RFX4: variants seen among roughly 807,000 people sequenced by gnomAD.
RFX4 encodes regulatory factor X4.
RFX4 carries 10 observed loss-of-function variants against 95.0 expected under a neutral mutation model. The observed-to-expected ratio is 0.11, with a 90% CI of 0.06 to 0.18. RFX4 has a LOEUF of 0.18. Ranked by LOEUF, RFX4 falls within the 10% of genes least tolerant of loss-of-function variation. The pLI is 1.00. For missense variants in RFX4, 640 were observed against 922.0 expected, an observed-to-expected ratio of 0.69 and a Z score of 3.96; for synonymous variants, 321 against 340.7, an observed-to-expected ratio of 0.94 and a Z score of 0.64.
chr12:106,665,160 G>A (rs563066145), intron 4 of RFX4, among the ~76,000 whole-genome samples: 1 of 151,872 alleles, frequency 6.6e-6, no homozygotes, highest in East Asian at 1.9e-4. Context: ...TATATAGTTT[G>A]ATGCTGTCTT....
At chr12:106,671,198 T>C (rs1301299807) in intron 4 of RFX4, among the ~76,000 whole-genome samples, 1 of 152,226 alleles carries the variant, frequency 6.6e-6, no homozygotes, top group Non-Finnish European at 1.5e-5. Context: ...ACTGATTCCA[T>C]TGCATTAGAA....
chr12:106,757,292 G>C (rs944381602), intron 17 of RFX4, among the ~76,000 whole-genome samples: 1 of 152,190 alleles, frequency 6.6e-6, no homozygotes, highest in Admixed American at 6.5e-5. Flanking sequence ...CAACACTTGG[G>C]GAGGCTGGAA....
At chr12:106,640,094 A>T (rs1190301815) in intron 3 of RFX4, among the ~76,000 whole-genome samples, 1 of 152,138 alleles carries the variant, frequency 6.6e-6, no homozygotes, top group Non-Finnish European at 1.5e-5. Flanking sequence ...AGGAACTAAA[A>T]TCCATTATAT....
intron 3 of RFX4, among the ~76,000 whole-genome samples, chr12:106,650,952 AG>A (rs1293639157): frequency 1.3e-5 from 2 of 151,918 alleles, no homozygotes; most frequent in African/African-American, 2.4e-5. Flanking sequence ...GACTCCTTTG[AG>A]TCTTTGTTTC....
At chr12:106,694,869 T>C (rs570832766) in intron 7 of RFX4, among the ~76,000 whole-genome samples, 51 of 152,154 alleles carry the variant, frequency 3.4e-4, no homozygotes, top group Middle Eastern at 3.4e-3. Context: ...ACCCCGTCTC[T>C]ACTTAAAAAA....
At chr12:106,727,926 C>A (rs2042536078) in intron 13 of RFX4, among the ~76,000 whole-genome samples, 1 of 152,018 alleles carries the variant, frequency 6.6e-6, no homozygotes, top group Non-Finnish European at 1.5e-5. Context: ...GCCCTGAATT[C>A]AGTTTTTATA....
intron 3 of RFX4, among the ~76,000 whole-genome samples, chr12:106,643,077 C>T (rs536826202): frequency 1.3e-5 from 2 of 152,188 alleles, no homozygotes; most frequent in African/African-American, 2.4e-5. Flanking sequence ...ATCAAAGCAA[C>T]GGATCCAGAC....
chr12:106,692,501 G>T (rs889507032), intron 7 of RFX4, among the ~76,000 whole-genome samples: 5 of 152,144 alleles, frequency 3.3e-5, no homozygotes, highest in Non-Finnish European at 5.9e-5. Context: ...AGTCATCACA[G>T]GTGTTTCCAC....
At chr12:106,639,184 C>T in intron 2 of RFX4, 148 bp from the exon 3 acceptor site, 1 of 623,390 alleles carries the variant, frequency 1.6e-6, no homozygotes, top group Non-Finnish European at 2.8e-6. Context: ...TATGATGAGT[C>T]TAACATGTTG....
chr12:106,651,395 A>G (rs1261667063), intron 3 of RFX4, among the ~76,000 whole-genome samples: 1 of 152,164 alleles, frequency 6.6e-6, no homozygotes, highest in East Asian at 1.9e-4. Flanking sequence ...TGTGAGGTCA[A>G]ATGAGACCAT....
chr12:106,617,431 C>T (rs2040095395), intron 2 of RFX4, among the ~76,000 whole-genome samples: 1 of 152,164 alleles, frequency 6.6e-6, no homozygotes, highest in Non-Finnish European at 1.5e-5. Context: ...TGATATCACA[C>T]TTTCATTATT....
At chr12:106,761,076 C>A in intron 17 of RFX4, 121 bp from the exon 18 acceptor site, 1 of 1,066,804 alleles carries the variant, frequency 9.4e-7, no homozygotes, top group Non-Finnish European at 1.4e-6. Flanking sequence ...TGATTCTTCT[C>A]CATCAACTCT....
rs551369300 is a variant in RFX4, at chr12:106,737,862, C to T, written c.1633+4777C>T. On this transcript the variant is annotated intron_variant, in intron 15 of 17. Coordinates refer to ENST00000392842, the MANE Select transcript of RFX4 (RefSeq NM_213594.3). ...ATCGCCGTATTTGTTTATATAGATG[C>T]GCCTCAAACTGTATTTTGTTTTCTG... Among the ~76,000 whole-genome samples the T allele has an allele frequency of 9.2e-5, 14 of 152,264 alleles. No homozygotes were observed. The East Asian group carries it at 2.3e-3, about 25-fold the overall frequency.
At position 106,761,306 on chromosome 12, in the gene RFX4, A is replaced by G; in HGVS notation, c.2045A>G (p.Asn682Ser). The stretch of plus-strand genomic sequence containing the variant: ...CGCTGGCCAGAGGTGCCCTCAGCCA[A>G]CACGTGCTACACAAGCCCGTCTGTG... ...TPRWPEVPSANTCYTSPSVHS... is the reference protein window; with the variant it reads ...TPRWPEVPSASTCYTSPSVHS... The change falls in exon 18 of 18, where the codon AAC becomes AGC. Residue 682 changes from asparagine (N) to serine (S), a missense_variant. Around this residue, in one of 7 missense-constraint regions of RFX4, gnomAD observed 300 missense variants for 346.8 expected, o/e 0.87. Transcript: ENST00000392842. The G allele has an allele frequency of 6.2e-7, 1 of 1,614,122 alleles. No individual in the cohort carries two copies. Among genetic ancestry groups the G allele is most frequent in the Non-Finnish European group, 8.5e-7 (1 of 1,180,018 alleles).
chr12:106,604,769 C>A (rs948029307), intron 1 of RFX4, among the ~76,000 whole-genome samples: 3 of 152,048 alleles, frequency 2.0e-5, no homozygotes, highest in Non-Finnish European at 4.4e-5. Context: ...TTGTGTATGA[C>A]AAAGGCTGAC....
At chr12:106,696,964 G>A (rs571057269) in intron 8 of RFX4, among the ~76,000 whole-genome samples, 1 of 152,214 alleles carries the variant, frequency 6.6e-6, no homozygotes, top group Non-Finnish European at 1.5e-5. Flanking sequence ...GCCAGAGGTG[G>A]GGCATATGCT....
chr12:106,757,795 T>C (rs1052243421), intron 17 of RFX4, among the ~76,000 whole-genome samples: 1 of 152,200 alleles, frequency 6.6e-6, no homozygotes, highest in Non-Finnish European at 1.5e-5. Context: ...TCCCTCTCCA[T>C]GTGTAGGAAA....
At chr12:106,648,472 T>C (rs2040792941) in intron 3 of RFX4, among the ~76,000 whole-genome samples, 1 of 151,168 alleles carries the variant, frequency 6.6e-6, no homozygotes, top group Non-Finnish European at 1.5e-5. Context: ...TGTCTTGTCC[T>C]GATTGCTTAG....
chr12:106,659,069 G>A (rs1421334081), intron 4 of RFX4, among the ~76,000 whole-genome samples: 1 of 152,136 alleles, frequency 6.6e-6, no homozygotes. Context: ...CCTGATTGTT[G>A]CATGGCAGAT....
Sources: gnomAD v4.1 joint callset for allele counts (sites outside exome capture counted in the v4.1 genomes callset) on GRCh38, gnomAD v4.1.1 for gene constraint, gnomAD v4.1.1 regional missense constraint, MANE v1.5 for transcripts, NCBI Gene and HGNC (gene_info 2026-07-23, HGNC 2026-07-21) for gene names.